The following INTS2 variants were observed in gnomAD, a reference collection of about 807,000 sequenced individuals.
INTS2 encodes the protein integrator complex subunit 2, also known as KIAA1287.
A neutral mutation model predicts 139.6 loss-of-function variants in INTS2; 57 were observed. That is an observed-to-expected ratio of 0.41 (90% CI 0.33 to 0.51). The LOEUF (loss-of-function observed/expected upper bound fraction) is 0.51, where lower values mean the gene tolerates loss of function less well. Ranked by LOEUF, INTS2 falls within the 20% of genes least tolerant of loss-of-function variation. The pLI, the probability that INTS2 is intolerant of heterozygous loss-of-function variation, is 0.28. For synonymous variants in INTS2, 473 were observed against 493.4 expected (o/e 0.96, Z 0.55); for missense variants, 1,196 against 1,436.7 (o/e 0.83, Z 2.71).
At position 61,865,594 on chromosome 17, in the gene INTS2, C is replaced by G. The variant is rs2079038102; in HGVS notation, c.*1963G>C. The G allele has an allele frequency of 6.6e-6, 1 of 152,474 alleles. No individual in the cohort carries two copies. Among genetic ancestry groups the G allele is most frequent in the Admixed American group, 6.5e-5 (1 of 15,276 alleles). 9.4% of individuals were successfully genotyped at this position (152,474 alleles called of 1,614,324 possible). On this transcript the variant is annotated 3_prime_UTR_variant, in exon 25 of 25. Coordinates refer to ENST00000251334, the MANE Select transcript of INTS2 (RefSeq NM_001351695.2). This position sits in a 1 kb window ranked among gnomAD's most constrained non-coding sequence, Gnocchi z 4.8. Reference sequence around the variant, plus strand: ...TTTAACACAGCAGGTTATGACCAGTCTTTGAATATTGATCCAGGAATGTGC... The same window carrying G: ...TTTAACACAGCAGGTTATGACCAGTGTTTGAATATTGATCCAGGAATGTGC...
intron 15 of INTS2, chr17:61,885,414 C>CT (rs201806448): frequency 0.12 from 16,631 of 141,900 alleles, 3,301 homozygotes; most frequent in African/African-American, 0.41. Flanking sequence ...GTAATTTTAT[C>CT]TTTTTTTTTT....
intron 15 of INTS2, among the ~76,000 whole-genome samples, chr17:61,886,631 C>T (rs929554820): frequency 3.9e-5 from 6 of 152,186 alleles, no homozygotes; most frequent in African/African-American, 1.4e-4. Context: ...AAGGTCCTTG[C>T]CAGTCAATAG....
At position 61,891,278 on chromosome 17, in the gene INTS2, C is replaced by T. The variant is rs561527694; in HGVS notation, c.1875+235G>A. 3.0e-3 allele frequency among the ~76,000 whole-genome samples: 449 copies of T among 152,064 alleles called. 3 individuals are homozygous for T. Among genetic ancestry groups the T allele is most frequent in the Non-Finnish European group, 4.5e-3 (305 of 68,000 alleles). On this transcript the variant is annotated intron_variant, in intron 14 of 24. Transcript: ENST00000251334. ...AGTGAGCTGAGATCGCGCCACTGCA[C>T]TCCAGCCTAGGCAACAAGAGTAAAA...
At chr17:61,904,667 A>C (rs1603379739) in intron 8 of INTS2, 82 bp from the exon 9 acceptor site, 2 of 1,216,876 alleles carry the variant, frequency 1.6e-6, no homozygotes, top group East Asian at 5.1e-5. Context: ...TTTAGTTACA[A>C]ATTTTAAACT....
At position 61,869,918 on chromosome 17, in the gene INTS2, T is replaced by G; in HGVS notation, c.2849A>C (p.Asn950Thr). Reference sequence around the variant, plus strand: ...AACATTTCTTAACAAGCTATCTGGATTGACACCATTTGCTTTCTCCTCTTC... The same window carrying G: ...AACATTTCTTAACAAGCTATCTGGAGTGACACCATTTGCTTTCTCCTCTTC... ...PTEEEKANGVNPDSLLRNVQS... is the reference protein window; with the variant it reads ...PTEEEKANGVTPDSLLRNVQS... Residue 950 changes from asparagine to threonine, a missense_variant, in exon 21 of 25, where the codon AAT (asparagine) becomes ACT (threonine). By Grantham distance (65) the Asn-to-Thr change is moderately conservative. Coordinates refer to ENST00000251334, the MANE Select transcript of INTS2 (RefSeq NM_001351695.2). The surrounding 1 kb of genome is among the most constrained non-coding windows in gnomAD (Gnocchi z 5.4). 6.2e-7 allele frequency: 1 copy of G among 1,613,872 alleles called. No individual in the cohort carries two copies. The highest frequency in any genetic ancestry group is 8.5e-7 in the Non-Finnish European group (1 of 1,179,784).
chr17:61,904,946 A>ATTTTTTTT (rs547719682), intron 8 of INTS2, among the ~76,000 whole-genome samples: 1 of 141,104 alleles, frequency 7.1e-6, no homozygotes, highest in East Asian at 2.1e-4. Flanking sequence ...ATAATGCATA[A>ATTTTTTTT]TTTTTTTTTT....
rs758476054 is a variant in INTS2 at position 61,872,416 on chromosome 17, T to C, written c.2627A>G (p.Tyr876Cys). ...AAGGTAGGCTTTAGATGCAAGAAGA[T>C]ATCCATTCAACATGTGTAGGGTAAT... Reference protein sequence around the residue: ...MDITLHMLNGYLLASKAYLSA... With the variant: ...MDITLHMLNGCLLASKAYLSA... The change falls in exon 20 of 25, where the codon TAT (tyrosine) becomes TGT (cysteine). Residue 876 changes from tyrosine to cysteine, a missense_variant. Around this residue, in one of 3 missense-constraint regions of INTS2, gnomAD observed 1,129 missense variants for 1,341.9 expected, o/e 0.84. Transcript: ENST00000251334. The surrounding 1 kb of genome is among the most constrained non-coding windows in gnomAD (Gnocchi z 4.8). 9.3e-6 allele frequency: 15 copies of C among 1,611,004 alleles called. 1 individual carries two copies. The South Asian group carries it at 1.5e-4, about 17-fold the overall frequency.
At chr17:61,888,853 T>A (rs2079258441) in intron 15 of INTS2, among the ~76,000 whole-genome samples, 1 of 151,914 alleles carries the variant, frequency 6.6e-6, no homozygotes, top group Non-Finnish European at 1.5e-5. Flanking sequence ...TGAAACCCCA[T>A]CTTTACTAAA....
At chr17:61,903,198 G>C (rs959260443) in intron 9 of INTS2, among the ~76,000 whole-genome samples, 1 of 141,450 alleles carries the variant, frequency 7.1e-6, no homozygotes, top group Non-Finnish European at 1.5e-5. Context: ...AAAAAAGAAA[G>C]AAAGGATAGG....
Position 61,868,915 on chromosome 17 carries a change from C to T in INTS2, c.3244+119G>A. 1 of 619,760 alleles carries T rather than the reference C, an allele frequency of 1.6e-6. No individual in the cohort carries two copies. Among genetic ancestry groups the T allele is most frequent in the South Asian group, 2.1e-5 (1 of 46,774 alleles). 38.4% of individuals were successfully genotyped at this position (619,760 alleles called of 1,614,324 possible). ...GCATAAGTTAAACTAGTATTTAACA[C>T]ATATTGTATCATACTGTCTCAGAGT... On this transcript the variant is annotated intron_variant, in intron 23 of 24. Transcript: ENST00000251334. The surrounding 1 kb of genome is among the most constrained non-coding windows in gnomAD (Gnocchi z 4.7).
intron 11 of INTS2, among the ~76,000 whole-genome samples, chr17:61,896,251 AC>A (rs200173398): frequency 0.13 from 16,805 of 131,486 alleles, 2,023 homozygotes; most frequent in Middle Eastern, 0.2. Context: ...AAAAAAAAAA[AC>A]AAAAAAAAAA....
In INTS2 at chr17:61,877,897, T is replaced by A. The variant is rs1360881340; in HGVS notation, c.2446A>T (p.Met816Leu). 6.2e-7 allele frequency: 1 copy of A among 1,610,704 alleles called. No individual in the cohort carries two copies. The highest frequency in any genetic ancestry group is 8.5e-7 in the Non-Finnish European group (1 of 1,176,898). The change falls in exon 18 of 25, where the codon ATG becomes TTG. Residue 816 changes from methionine (M) to leucine (L), a missense_variant. Around this residue, in one of 3 missense-constraint regions of INTS2, gnomAD observed 1,129 missense variants for 1,341.9 expected, o/e 0.84. Coordinates refer to ENST00000251334, the MANE Select transcript of INTS2 (RefSeq NM_001351695.2). Reference protein sequence around the residue: ...NKLWMVLNTVMPRRLWVMTVN... With the variant: ...NKLWMVLNTVLPRRLWVMTVN... ...ATACACTGAATTTACCTTCTAGGCA[T>A]CACAGTATTAAGAACCATCCATAGT...
chr17:61,914,656 T>C (rs1180482649), intron 5 of INTS2, among the ~76,000 whole-genome samples: 1 of 149,606 alleles, frequency 6.7e-6, no homozygotes, highest in African/African-American at 2.5e-5. Flanking sequence ...TGAGCCGAGA[T>C]TGCGCCACTG....
In INTS2 at chr17:61,882,785, T is replaced by C. The variant is rs1028102168; in HGVS notation, c.2090-1614A>G. 6.6e-6 allele frequency among the ~76,000 whole-genome samples: 1 copy of C among 152,226 alleles called. No individual in the cohort carries two copies. Among genetic ancestry groups the C allele is most frequent in the African/African-American group, 2.4e-5 (1 of 41,458 alleles). On this transcript the variant is annotated intron_variant, in intron 16 of 24. Transcript: ENST00000251334. The surrounding 1 kb of genome is among the most constrained non-coding windows in gnomAD (Gnocchi z 4.7). ...TTTAGTTAATGAATTAACGAAGTACTACTATGCTAAGTGCTTCACACATAA... is the reference window on the plus strand; with the variant it reads ...TTTAGTTAATGAATTAACGAAGTACCACTATGCTAAGTGCTTCACACATAA...
chr17:61,884,767 G>A, intron 16 of INTS2, 134 bp downstream of exon 16: 1 of 652,658 alleles, frequency 1.5e-6, no homozygotes, highest in Non-Finnish European at 2.7e-6. Flanking sequence ...GATTTAGTGA[G>A]GGAGGCAAAG....
Position 61,911,535 on chromosome 17 carries a change from G to A in INTS2, c.939C>T (p.Ile313=). The stretch of plus-strand genomic sequence containing the variant: ...TAACCCTCACCTGCTGTCCATTTCG[G>A]ATAAAAGTTCCAAACCAAGTCCGGA... ...AKVRTWFGTF[I]RNGQQRKRET... Residue 313 remains isoleucine, a synonymous_variant, in exon 7 of 25, where the codon ATC becomes ATT. Coordinates refer to ENST00000251334, the MANE Select transcript of INTS2 (RefSeq NM_001351695.2). 6.2e-7 allele frequency: 1 copy of A among 1,613,828 alleles called. No homozygotes were observed. The highest frequency in any genetic ancestry group is 1.3e-5 in the African/African-American group (1 of 74,994).
rs1461382184 is a variant in INTS2 at position 61,868,383 on chromosome 17, G to C, written c.3245-374C>G. 6.6e-6 allele frequency among the ~76,000 whole-genome samples: 1 copy of C among 152,062 alleles called. No individual in the cohort carries two copies. Among genetic ancestry groups the C allele is most frequent in the African/African-American group, 2.4e-5 (1 of 41,424 alleles). ...GTGGGGCTGAGATTGAATTCAGGCA[G>C]TGTAAACTCTTAATCACTACAAATA... On this transcript the variant is annotated intron_variant, in intron 23 of 24. Transcript: ENST00000251334. This position sits in a 1 kb window ranked among gnomAD's most constrained non-coding sequence, Gnocchi z 4.7.
chr17:61,907,350 G>C (rs950646846), intron 8 of INTS2, 58 bp downstream of exon 8: 7 of 1,424,806 alleles, frequency 4.9e-6, no homozygotes, highest in Non-Finnish European at 3.9e-6. Flanking sequence ...TCACTTTCTT[G>C]AGAATAGAAA....
At chr17:61,920,052 A>G (rs527669733) in intron 4 of INTS2, among the ~76,000 whole-genome samples, 326 of 152,308 alleles carry the variant, frequency 2.1e-3, no homozygotes, top group African/African-American at 7.6e-3. Flanking sequence ...CAGTTCCTCA[A>G]TCACACTAGC....
Sources: allele counts gnomAD v4.1 joint callset (sites outside exome capture counted in the v4.1 genomes callset), GRCh38; gene constraint gnomAD v4.1.1; regional missense constraint gnomAD v4.1.1; non-coding constraint Gnocchi (gnomAD v3.1); transcripts MANE v1.5; gene names NCBI Gene and HGNC (gene_info 2026-07-23, HGNC 2026-07-21).